The following BCR variants were observed in gnomAD, a reference collection of about 807,000 sequenced individuals.
BCR encodes the protein BCR activator of RhoGEF and GTPase, also known as breakpoint cluster region protein.
Under a neutral mutation model 138.6 loss-of-function variants are expected in BCR, and 58 were observed. The observed-to-expected ratio is 0.42, with a 90% CI of 0.34 to 0.52. The LOEUF (loss-of-function observed/expected upper bound fraction) is 0.52, where lower values mean the gene tolerates loss of function less well. Ranked by LOEUF, BCR falls within the 20% of genes least tolerant of loss-of-function variation. BCR has a pLI of 0.06. For missense variants in BCR, 1,599 were observed against 1,727.2 expected, an observed-to-expected ratio of 0.93 and a Z score of 1.32; for synonymous variants, 786 against 730.1, an observed-to-expected ratio of 1.08 and a Z score of -1.23.
At chr22:23,221,498 AGGATGATAGGTTT>A (rs1424858855) in intron 1 of BCR, among the ~76,000 whole-genome samples, 1 of 152,186 alleles carries the variant, frequency 6.6e-6, no homozygotes, top group Non-Finnish European at 1.5e-5. Flanking sequence ...GGAGGGTTCC[AGGATGATAGGTTT>A]GGAGCAAAGG....
intron 4 of BCR, chr22:23,263,458 T>C: frequency 6.9e-7 from 1 of 1,451,868 alleles, no homozygotes; most frequent in Non-Finnish European, 9.7e-7. Context: ...GGGATTCTGC[T>C]GAAGTGGAGA....
intron 16 of BCR, among the ~76,000 whole-genome samples, chr22:23,305,363 C>T (rs1392297809): frequency 6.6e-6 from 1 of 152,188 alleles, no homozygotes; most frequent in Non-Finnish European, 1.5e-5. Flanking sequence ...CTACAAGGAG[C>T]TAAGTGAACA....
At chr22:23,220,121 C>G (rs1020027210) in intron 1 of BCR, among the ~76,000 whole-genome samples, 6 of 152,226 alleles carry the variant, frequency 3.9e-5, no homozygotes, top group African/African-American at 1.4e-4. Flanking sequence ...AGCTCCATGT[C>G]TAGCAGAGCA....
At chr22:23,202,641 A>G (rs999543810) in intron 1 of BCR, among the ~76,000 whole-genome samples, 1 of 152,094 alleles carries the variant, frequency 6.6e-6, no homozygotes, top group African/African-American at 2.4e-5. Context: ...CTTATTTCAC[A>G]TCATGTCCTC....
chr22:23,280,998 GACAC>G (rs768130671), intron 8 of BCR, among the ~76,000 whole-genome samples: 9 of 152,376 alleles, frequency 5.9e-5, no homozygotes, highest in South Asian at 4.1e-4. Context: ...CACACAGTGA[GACAC>G]ACGGGCACAC....
At chr22:23,306,628 C>A (rs779600242) in intron 16 of BCR, 1 of 152,198 alleles carries the variant, frequency 6.6e-6, no homozygotes. Flanking sequence ...TCTTCCCACA[C>A]ACACACAAAA....
rs115502951 is a variant in BCR at position 23,253,061 on chromosome 22, G to A, written c.1280-738G>A. On this transcript the variant is annotated intron_variant, in intron 1 of 22. Coordinates refer to ENST00000305877, the MANE Select transcript of BCR (RefSeq NM_004327.4). ...CCTCCTTGAGTTTGATCACTTGCTG[G>A]AACGGCTCAGAGAACTCAGGAAAAT... Among the ~76,000 whole-genome samples the A allele has an allele frequency of 3.0e-3, 460 of 152,280 alleles. 3 individuals are homozygous for A. Among genetic ancestry groups the A allele is most frequent in the African/African-American group, 0.011 (441 of 41,546 alleles).
intron 2 of BCR, among the ~76,000 whole-genome samples, chr22:23,260,255 G>A (rs1288036975): frequency 6.6e-6 from 1 of 152,196 alleles, no homozygotes; most frequent in African/African-American, 2.4e-5. Flanking sequence ...CTTTCAGCAG[G>A]GACGCTAATG....
intron 2 of BCR, among the ~76,000 whole-genome samples, chr22:23,257,787 A>G (rs1022069493): frequency 8.5e-5 from 13 of 152,224 alleles, no homozygotes; most frequent in Admixed American, 2.6e-4. Context: ...GGCAGGCTCA[A>G]CTGACAGCCC....
rs1193355465 is a variant in BCR, at chr22:23,181,737, C to T, written c.777C>T (p.Asn259=). 2.5e-6 allele frequency: 4 copies of T among 1,604,294 alleles called. No homozygotes were observed. The highest frequency in any genetic ancestry group is 1.7e-4 in the Middle Eastern group (1 of 6,060). Residue 259 remains asparagine (N), a synonymous_variant, in exon 1 of 23, where the codon AAC becomes AAT. Coordinates refer to ENST00000305877, the MANE Select transcript of BCR (RefSeq NM_004327.4). ...AELNPRFLKD[N]LIDANGGSRP... ...TGAACCCCCGCTTCCTGAAGGACAA[C>T]CTGATCGACGCCAATGGCGGTAGCA...
chr22:23,303,041 A>G (rs2073920071), intron 16 of BCR, among the ~76,000 whole-genome samples: 2 of 144,236 alleles, frequency 1.4e-5, no homozygotes, highest in South Asian at 2.4e-4. Context: ...CCCCACCCCA[A>G]TTTAATTCAC....
At position 23,242,465 on chromosome 22, in the gene BCR, G is replaced by T. The variant is rs996391375; in HGVS notation, c.1280-11334G>T. On this transcript the variant is annotated intron_variant, in intron 1 of 22. Transcript: ENST00000305877. ...CTAGCCCTTTCTGAAGCTGCAGCTC[G>T]AAGTCAGTGTAGCCATCCGGTGTAT... 2.0e-4 allele frequency among the ~76,000 whole-genome samples: 30 copies of T among 152,160 alleles called. 1 individual carries two copies. The highest frequency in any genetic ancestry group is 2.0e-3 in the Admixed American group (30 of 15,280).
intron 1 of BCR, among the ~76,000 whole-genome samples, chr22:23,228,268 A>G (rs2072915999): frequency 6.6e-6 from 1 of 152,112 alleles, no homozygotes; most frequent in African/African-American, 2.4e-5. Context: ...CATCCTACAA[A>G]TTTTTATATA....
At chr22:23,308,644 C>T (rs528346272) in intron 16 of BCR, among the ~76,000 whole-genome samples, 7 of 152,260 alleles carry the variant, frequency 4.6e-5, no homozygotes, top group African/African-American at 1.7e-4. Context: ...TGCTCATTCA[C>T]CCAGCCCAGC....
rs1010473816 is a variant in BCR at position 23,262,711 on chromosome 22, G to A, written c.1752+1171G>A. ...GGGAATGGCGGGCCCGGGTGAGGGCGGGCCCGGGTGAGGGCGGGGGCGGAG... is the reference window on the plus strand; with the variant it reads ...GGGAATGGCGGGCCCGGGTGAGGGCAGGCCCGGGTGAGGGCGGGGGCGGAG... On this transcript the variant is annotated intron_variant, in intron 4 of 22. Coordinates refer to ENST00000305877, the MANE Select transcript of BCR (RefSeq NM_004327.4). 36 of 775,858 alleles carry A rather than the reference G, an allele frequency of 4.6e-5. No individual in the cohort carries two copies. The African/African-American group carries it at 6.2e-4, about 13-fold the overall frequency. 48.1% of individuals were successfully genotyped at this position (775,858 alleles called of 1,614,324 possible).
chr22:23,258,947 C>A (rs1197565912), intron 2 of BCR, among the ~76,000 whole-genome samples: 3 of 152,268 alleles, frequency 2.0e-5, no homozygotes, highest in African/African-American at 7.2e-5. Flanking sequence ...CCCCCACCCC[C>A]CGCACCCACA....
rs750638137 is a variant in BCR at position 23,253,905 on chromosome 22, A to G, written c.1386A>G (p.Ser462=). 5.0e-6 allele frequency: 8 copies of G among 1,613,100 alleles called. No homozygotes were observed. The highest frequency in any genetic ancestry group is 1.3e-5 in the African/African-American group (1 of 74,960). The part of the protein sequence containing the change: ...GLPYIDDSPS[S]SPHLSSKGRG... ...CCTACATTGATGACTCGCCCTCCTC[A>G]TCGCCCCACCTCAGCAGCAAGGGCA... is the stretch of plus-strand genomic sequence containing the variant. The change falls in exon 2 of 23, where the codon TCA becomes TCG. Residue 462 remains serine, a synonymous_variant. Coordinates refer to ENST00000305877, the MANE Select transcript of BCR (RefSeq NM_004327.4).
intron 1 of BCR, among the ~76,000 whole-genome samples, chr22:23,209,476 T>C (rs2072656648): frequency 6.6e-6 from 1 of 152,230 alleles, no homozygotes. Flanking sequence ...CTTTTGGCTG[T>C]TGTGAATAAT....
rs1244602645 is a variant in BCR, at chr22:23,180,727, A to G, written c.-234A>G. On this transcript the variant is annotated 5_prime_UTR_variant, in exon 1 of 23. Coordinates refer to ENST00000305877, the MANE Select transcript of BCR (RefSeq NM_004327.4). Reference sequence around the variant, plus strand: ...CGCCGTGCGGAGGAGCCCCGCACACAATAGCGGCGCGCGCAGCCCGCGCCC... The same window carrying G: ...CGCCGTGCGGAGGAGCCCCGCACACGATAGCGGCGCGCGCAGCCCGCGCCC... 6.7e-6 allele frequency: 1 copy of G among 148,804 alleles called. No homozygotes were observed. The highest frequency in any genetic ancestry group is 1.5e-5 in the Non-Finnish European group (1 of 67,288). The allele number at this position is 148,804 out of a possible 1,614,324, so 9.2% of individuals were successfully genotyped here.
Sources: gnomAD v4.1 joint callset for allele counts (sites outside exome capture counted in the v4.1 genomes callset) on GRCh38, gnomAD v4.1.1 for gene constraint, MANE v1.5 for transcripts, NCBI Gene and HGNC (gene_info 2026-07-23, HGNC 2026-07-21) for gene names.